The following ANK3 variants were observed in gnomAD, a reference collection of about 807,000 sequenced individuals.
The protein encoded by ANK3 is ankyrin 3.
A neutral mutation model predicts 370.9 loss-of-function variants in ANK3; 57 were observed. That is an observed-to-expected ratio of 0.15 (90% CI 0.12 to 0.19). ANK3 has a LOEUF of 0.19. Ranked by LOEUF, ANK3 falls within the 10% of genes least tolerant of loss-of-function variation. The pLI is 1.00. For synonymous variants in ANK3, 1,929 were observed against 1,946.3 expected (o/e 0.99, Z 0.23); for missense variants, 4,439 against 5,302.1 (o/e 0.84, Z 5.06).
chr10:60,197,657 A>G (rs947504035), intron 14 of ANK3, among the ~76,000 whole-genome samples: 1 of 152,192 alleles, frequency 6.6e-6, no homozygotes, highest in Non-Finnish European at 1.5e-5. Context: ...TTGATTACAC[A>G]TTAATCTTTC....
intron 1 of ANK3, among the ~76,000 whole-genome samples, chr10:60,318,240 G>T (rs970498861): frequency 3.9e-5 from 6 of 152,092 alleles, no homozygotes; most frequent in African/African-American, 1.4e-4. Flanking sequence ...TATTTATCCT[G>T]ATACTAGCTC....
Position 60,404,880 on chromosome 10 carries a change from AAC to A in ANK3, c.97-125243_97-125242del, listed in dbSNP as rs377115172. Reference sequence around the variant, plus strand: ...AACAAATCAAAACAAAAAGATAAAAAACACAGTTAAAAATGAACATAAGACTT... The same window carrying A: ...AACAAATCAAAACAAAAAGATAAAAAACAGTTAAAAATGAACATAAGACTT... On this transcript the variant is annotated intron_variant, in intron 2 of 43. Coordinates refer to the ANK3 transcript ENST00000373827. Among the ~76,000 whole-genome samples the A allele has an allele frequency of 8.8e-4, 134 of 152,288 alleles. 2 individuals are homozygous for A. Among genetic ancestry groups the A allele is most frequent in the African/African-American group, 3.1e-3 (130 of 41,574 alleles).
chr10:60,728,141 C>A (rs577509827), intron 1 of ANK3, among the ~76,000 whole-genome samples: 1 of 152,234 alleles, frequency 6.6e-6, no homozygotes, highest in African/African-American at 2.4e-5. Flanking sequence ...TTTTACCAGC[C>A]TACCACTGAT....
intron 2 of ANK3, among the ~76,000 whole-genome samples, chr10:60,495,663 A>G (rs888022397): frequency 1.4e-4 from 21 of 152,196 alleles, no homozygotes; most frequent in African/African-American, 4.8e-4. Context: ...TATTGGATAT[A>G]ACTTTTAATA....
rs542158685 is a variant in ANK3 at position 60,695,342 on chromosome 10, C to T, written c.57+37921G>A. Among the ~76,000 whole-genome samples, 1,088 of 152,064 alleles carry T rather than the reference C, an allele frequency of 7.2e-3. 8 individuals carry two copies. Among genetic ancestry groups the T allele is most frequent in the African/African-American group, 0.024 (981 of 41,460 alleles). On this transcript the variant is annotated intron_variant, in intron 1 of 43. Transcript: ENST00000373827. Reference sequence around the variant, plus strand: ...CCACTGTCAACATTAGACAGATCAACGAGACAGAAAGTCAACAAGGATATC... The same window carrying T: ...CCACTGTCAACATTAGACAGATCAATGAGACAGAAAGTCAACAAGGATATC...
At position 60,036,422 on chromosome 10, in the gene ANK3, A is replaced by ATTT. The variant is rs563946588; in HGVS notation, c.*19+6247_*19+6249dup. On this transcript the variant is annotated intron_variant, in intron 43 of 43. Coordinates refer to ENST00000280772, the MANE Select transcript of ANK3 (RefSeq NM_020987.5). ...CTGCGGAAGAGAGAGGTCAGAGGCA[A>ATTT]TTTTTTTTTTTTTTTTTTTTTTTTT... Among the ~76,000 whole-genome samples, 525 of 72,246 alleles carry ATTT rather than the reference A, an allele frequency of 7.3e-3. 89 individuals are homozygous for ATTT. The highest frequency in any genetic ancestry group is 0.021 in the African/African-American group (299 of 14,222). 47.4% of individuals were successfully genotyped at this position (72,246 alleles called of 152,430 possible). A position where few individuals can be genotyped will look rare whatever the true frequency, so the allele number is the denominator to read the frequency against.
Position 60,071,968 on chromosome 10 carries a change from C to T in ANK3, c.8913G>A (p.Leu2971=). The change falls in exon 37 of 44, where the codon CTG becomes CTA. Residue 2971 remains leucine, a synonymous_variant. Coordinates refer to ENST00000280772, the MANE Select transcript of ANK3 (RefSeq NM_020987.5). ...PVRVADERRM[L]SSNIPDGFCE... is the part of the protein sequence containing the mutation. ...AAAAACCATCGGGAATATTAGAAGA[C>T]AGCATTCTCCTCTCATCAGCAACTC... The T allele has an allele frequency of 6.2e-7, 1 of 1,614,056 alleles. No individual in the cohort carries two copies. Among genetic ancestry groups the T allele is most frequent in the Non-Finnish European group, 8.5e-7 (1 of 1,180,008 alleles).
chr10:60,465,349 T>C (rs551393893), intron 2 of ANK3, among the ~76,000 whole-genome samples: 8 of 152,210 alleles, frequency 5.3e-5, no homozygotes, highest in African/African-American at 1.9e-4. Flanking sequence ...TTTTAGATCC[T>C]ACGTCAACTA....
chr10:60,662,699 A>C (rs2078950058), intron 1 of ANK3, among the ~76,000 whole-genome samples: 1 of 152,208 alleles, frequency 6.6e-6, no homozygotes. Context: ...TGTTTTATAC[A>C]CTGAAACATA....
intron 16 of ANK3, among the ~76,000 whole-genome samples, chr10:60,187,670 C>T (rs2096379180): frequency 6.6e-6 from 1 of 152,092 alleles, no homozygotes; most frequent in African/African-American, 2.4e-5. Flanking sequence ...CCTTTAATTG[C>T]CATCTACTGC....
chr10:60,629,484 G>T (rs1382627723), intron 1 of ANK3, among the ~76,000 whole-genome samples: 1 of 152,084 alleles, frequency 6.6e-6, no homozygotes, highest in African/African-American at 2.4e-5. Flanking sequence ...CAAGCTAGAT[G>T]ATATTGAAAA....
At chr10:60,036,673 T>C (rs2075072551) in intron 43 of ANK3, among the ~76,000 whole-genome samples, 1 of 152,002 alleles carries the variant, frequency 6.6e-6, no homozygotes, top group African/African-American at 2.4e-5. Flanking sequence ...CCTGACTTCG[T>C]GATCTGCCTG....
At chr10:60,040,106 C>A (rs1030296926) in intron 43 of ANK3, among the ~76,000 whole-genome samples, 1 of 152,134 alleles carries the variant, frequency 6.6e-6, no homozygotes, top group East Asian at 1.9e-4. Context: ...ATACTATGTA[C>A]AAATCTTGAA....
intron 2 of ANK3, among the ~76,000 whole-genome samples, chr10:60,544,928 C>T (rs1428823728): frequency 2.7e-5 from 1 of 37,264 alleles, no homozygotes; most frequent in Admixed American, 2.9e-4. Flanking sequence ...GTGAATTAAT[C>T]ATTTTAGGGC....
In ANK3 at chr10:60,181,443, A is replaced by C; in HGVS notation, c.2086-16T>G. The C allele has an allele frequency of 1.1e-5, 18 of 1,610,142 alleles. No individual in the cohort carries two copies. Among genetic ancestry groups the C allele is most frequent in the Non-Finnish European group, 1.5e-5 (18 of 1,176,268 alleles). Reference sequence around the variant, plus strand: ...TCAGGCCGCTCTGCAAAAGATTCAAAGGGCACAGTCATCGTACAGGAAGGA... The same window carrying C: ...TCAGGCCGCTCTGCAAAAGATTCAACGGGCACAGTCATCGTACAGGAAGGA... On this transcript the variant is annotated splice_polypyrimidine_tract_variant and intron_variant, in intron 17 of 43. Coordinates refer to ENST00000280772, the MANE Select transcript of ANK3 (RefSeq NM_020987.5).
chr10:60,114,438 A>T, intron 25 of ANK3, 107 bp from the exon 26 acceptor site: 1 of 478,594 alleles, frequency 2.1e-6, no homozygotes. Context: ...ATAGACTTAC[A>T]TTCAACATAA....
chr10:60,188,091 C>T (rs1199704982), intron 16 of ANK3, among the ~76,000 whole-genome samples: 1 of 152,154 alleles, frequency 6.6e-6, no homozygotes, highest in Non-Finnish European at 1.5e-5. Flanking sequence ...TTATATTTGT[C>T]TTTGTATCTC....
intron 2 of ANK3, among the ~76,000 whole-genome samples, chr10:60,551,705 T>G (rs966974750): frequency 2.2e-4 from 34 of 152,170 alleles, no homozygotes; most frequent in African/African-American, 8.2e-4. Context: ...AAATTTAGTC[T>G]TTTTGAAAAA....
chr10:60,108,156 G>C (rs1179406743), intron 27 of ANK3: 2 of 412,512 alleles, frequency 4.8e-6, no homozygotes, highest in Admixed American at 2.8e-5. Flanking sequence ...AAAAATTGTA[G>C]ACATTCTGTA....
Sources: allele counts gnomAD v4.1 joint callset (sites outside exome capture counted in the v4.1 genomes callset), GRCh38; gene constraint gnomAD v4.1.1; transcripts MANE v1.5; gene names NCBI Gene and HGNC (gene_info 2026-07-23, HGNC 2026-07-21).